Variants in OPN1LW observed in about 807,000 individuals in gnomAD.
OPN1LW encodes long-wave-sensitive opsin 1.
In OPN1LW, 4 loss-of-function variants were observed where a neutral mutation model predicts 18.1. That is an observed-to-expected ratio of 0.22 (90% CI 0.11 to 0.51). OPN1LW has a LOEUF of 0.51. OPN1LW is among the 20% of genes least tolerant of loss of function. The probability of loss-of-function intolerance (pLI) is 0.97; values close to 1 mark genes in which losing one functional copy is unlikely to be tolerated. For synonymous variants in OPN1LW, 86 were observed against 101.2 expected (o/e 0.85, Z 0.90); for missense variants, 164 against 234.9 (o/e 0.70, Z 1.97).
In OPN1LW at chrX:154,156,437, T is replaced by C. The variant is rs1065439; in HGVS notation, c.888T>C (p.Gly296=). 123,115 of 1,200,258 alleles carry C rather than the reference T, an allele frequency of 0.1. 7,090 individuals are homozygous for C. The highest frequency in any genetic ancestry group is 0.37 in the African/African-American group (20,778 of 55,990). The part of the protein sequence containing the change: ...FFACFAAANP[G]YAFHPLMAAL... Reference sequence around the variant, plus strand: ...CATGCTTTGCTGCTGCCAACCCTGGTTACGCCTTCCACCCTTTGATGGCTG... The same window carrying C: ...CATGCTTTGCTGCTGCCAACCCTGGCTACGCCTTCCACCCTTTGATGGCTG... The change falls in exon 5 of 6, where the codon GGT becomes GGC. Residue 296 remains glycine, a synonymous_variant. Coordinates refer to ENST00000369951, the MANE Select transcript of OPN1LW (RefSeq NM_020061.6).
At chrX:154,149,322 G>A (rs2067066719) in intron 1 of OPN1LW, among the ~76,000 whole-genome samples, 1 of 104,085 alleles carries the variant, frequency 9.6e-6, no homozygotes, top group Non-Finnish European at 1.9e-5. Context: ...GAGGTCAGGA[G>A]TTTGAGACCA....
At chrX:154,148,276 T>G (rs1406703635) in intron 1 of OPN1LW, among the ~76,000 whole-genome samples, 2 of 102,758 alleles carry the variant, frequency 1.9e-5, no homozygotes, top group Non-Finnish European at 3.8e-5. Context: ...GTTGCTGTTG[T>G]TGTTTTTGAG....
At position 154,144,301 on chromosome X, in the gene OPN1LW, C is replaced by A. The variant is rs1557156890; in HGVS notation, c.18C>A (p.Ser6Arg). Residue 6 changes from serine (S) to arginine (R), a missense_variant, in exon 1 of 6, where the codon AGC (serine) becomes AGA (arginine). Around this residue, in one of 3 missense-constraint regions of OPN1LW, gnomAD observed 106 missense variants for 167.7 expected, o/e 0.63. Transcript: ENST00000369951. MAQQW[S>R]LQRLAGRHPQ... ...CCATAGCCATGGCCCAGCAGTGGAG[C>A]CTCCAAAGGCTCGCAGGCCGCCATC... The A allele has an allele frequency of 8.4e-7, 1 of 1,196,920 alleles. No individual in the cohort carries two copies. Among genetic ancestry groups the A allele is most frequent in the Non-Finnish European group, 1.1e-6 (1 of 889,879 alleles).
chrX:154,150,826 C>T lies in OPN1LW; in HGVS notation c.283C>T (p.Leu95=), dbSNP rs1557157444. ...RHPLNWILVN[L]AVADLAETVI... ...CCCGCTGAACTGGATCCTGGTGAAC[C>T]TGGCGGTCGCTGACCTAGCAGAGAC... The change falls in exon 2 of 6, where the codon CTG becomes TTG. Residue 95 remains leucine, a synonymous_variant. Transcript: ENST00000369951. The T allele has an allele frequency of 8.3e-7, 1 of 1,197,671 alleles. No individual in the cohort carries two copies. Among genetic ancestry groups the T allele is most frequent in the South Asian group, 1.8e-5 (1 of 56,118 alleles).
chrX:154,154,815 G>A (rs1275595176), intron 4 of OPN1LW, 76 bp downstream of exon 4: 4 of 834,991 alleles, frequency 4.8e-6, no homozygotes, highest in Non-Finnish European at 6.9e-6. Flanking sequence ...AGTCCACTGA[G>A]ACTCCTAAAC....
chrX:154,149,669 C>T (rs1397104243), intron 1 of OPN1LW, among the ~76,000 whole-genome samples: 1 of 67,739 alleles, frequency 1.5e-5, no homozygotes, highest in Non-Finnish European at 2.5e-5. Context: ...TGGGCTCTGG[C>T]GAGGACCCTC....
At chrX:154,144,502 A>G in intron 1 of OPN1LW, 107 bp downstream of exon 1, 1 of 541,875 alleles carries the variant, frequency 1.8e-6, no homozygotes, top group Non-Finnish European at 2.8e-6. Context: ...ACCAGCAGAG[A>G]AGGCTTTCTC....
intron 1 of OPN1LW, among the ~76,000 whole-genome samples, chrX:154,149,418 A>G (rs1557157321): frequency 2.1e-5 from 2 of 93,372 alleles, no homozygotes; most frequent in East Asian, 3.3e-4. Flanking sequence ...AATCCCAGCT[A>G]CTACTCCGGA....
chrX:154,154,434 C>T, intron 3 of OPN1LW, 140 bp from the exon 4 acceptor site: 1 of 452,121 alleles, frequency 2.2e-6, no homozygotes, highest in Non-Finnish European at 3.8e-6. Flanking sequence ...TTGATCACTT[C>T]AAATTGGGTA....
At chrX:154,154,109 G>A (rs2067077855) in intron 3 of OPN1LW, among the ~76,000 whole-genome samples, 1 of 95,937 alleles carries the variant, frequency 1.0e-5, no homozygotes, top group South Asian at 4.2e-4. Flanking sequence ...TGGGCCTACA[G>A]ATGCACCACT....
chrX:154,144,568 C>T (rs1216013832), intron 1 of OPN1LW, among the ~76,000 whole-genome samples, 173 bp downstream of exon 1: 1 of 32,029 alleles, frequency 3.1e-5, no homozygotes, highest in African/African-American at 1.4e-4. Context: ...TAGAAGGACA[C>T]CATAATATCG....
At chrX:154,149,443 A>G (rs2067067370) in intron 1 of OPN1LW, among the ~76,000 whole-genome samples, 1 of 98,206 alleles carries the variant, frequency 1.0e-5, no homozygotes, top group African/African-American at 4.6e-5. Flanking sequence ...GAGGCAGGAG[A>G]ATTGCTTGAA....
chrX:154,156,675 C>G, intron 5 of OPN1LW, 142 bp downstream of exon 5: 1 of 1,057,684 alleles, frequency 9.5e-7, no homozygotes, highest in Admixed American at 2.3e-5. Flanking sequence ...CCGGGAAAGG[C>G]TCAGCGTGTG....
chrX:154,144,486 G>A lies in OPN1LW; in HGVS notation c.112+91G>A, dbSNP rs781860044. 503 of 622,175 alleles carry A rather than the reference G, an allele frequency of 8.1e-4. 2 individuals carry two copies. In the African/African-American group the frequency reaches 0.012, roughly 15 times the overall value. 51.3% of individuals were successfully genotyped at this position (622,175 alleles called of 1,213,427 possible). A position where few individuals can be genotyped will look rare whatever the true frequency, so the allele number is the denominator to read the frequency against. On this transcript the variant is annotated intron_variant, in intron 1 of 5. Transcript: ENST00000369951. The stretch of plus-strand genomic sequence containing the variant: ...GCCCAAGGGAATCTCTCTTCTGCAC[G>A]TCCCCACCAGCAGAGAAGGCTTTCT...
intron 4 of OPN1LW, 91 bp from the exon 5 acceptor site, chrX:154,156,203 C>T: frequency 9.5e-7 from 1 of 1,051,966 alleles, no homozygotes; most frequent in Admixed American, 2.5e-5. Context: ...GGCTGCTGGG[C>T]TCCTCTCCTC....
intron 2 of OPN1LW, among the ~76,000 whole-genome samples, chrX:154,151,271 G>A (rs1227664996): frequency 1.2e-3 from 63 of 52,977 alleles, no homozygotes; most frequent in Non-Finnish European, 1.8e-3. Flanking sequence ...GTAGGGGGGC[G>A]GGGACTCTGG....
At chrX:154,148,560 C>G (rs1239640732) in intron 1 of OPN1LW, among the ~76,000 whole-genome samples, 1 of 103,114 alleles carries the variant, frequency 9.7e-6, no homozygotes, top group Non-Finnish European at 1.9e-5. Flanking sequence ...CGTGAGCCAC[C>G]GCTCCCAGCC....
At position 154,144,406 on chromosome X, in the gene OPN1LW, A is replaced by G; in HGVS notation, c.112+11A>G. On this transcript the variant is annotated intron_variant, in intron 1 of 5. Transcript: ENST00000369951. ...GCAACTCCACCAGAGGTGAGCCAGCAGGCCCGTGGAGGCTGGGTGGCTGCA... is the reference window on the plus strand; with the variant it reads ...GCAACTCCACCAGAGGTGAGCCAGCGGGCCCGTGGAGGCTGGGTGGCTGCA... 8.9e-7 allele frequency: 1 copy of G among 1,122,334 alleles called. No homozygotes were observed. The highest frequency in any genetic ancestry group is 2.5e-5 in the Admixed American group (1 of 40,715). The allele number at this position is 1,122,334 out of a possible 1,213,427, so 92.5% of individuals were successfully genotyped here.
intron 1 of OPN1LW, among the ~76,000 whole-genome samples, chrX:154,149,013 A>G (rs1376713986): frequency 4.9e-5 from 5 of 102,779 alleles, no homozygotes; most frequent in South Asian, 3.9e-4. Context: ...AGATCATCCT[A>G]GCTAACATGG....
Sources: gnomAD v4.1 joint callset for allele counts (sites outside exome capture counted in the v4.1 genomes callset) on GRCh38, gnomAD v4.1.1 for gene constraint, gnomAD v4.1.1 regional missense constraint, MANE v1.5 for transcripts, NCBI Gene and HGNC (gene_info 2026-07-23, HGNC 2026-07-21) for gene names.